The following CCDC6 variants were observed in gnomAD, a reference collection of about 807,000 sequenced individuals.
CCDC6 encodes the protein coiled-coil domain containing 6.
Under a neutral mutation model 56.6 loss-of-function variants are expected in CCDC6, and 20 were observed. The observed-to-expected ratio is 0.35, with a 90% CI of 0.25 to 0.51. The LOEUF is 0.51. Ranked by LOEUF, CCDC6 falls within the 20% of genes least tolerant of loss-of-function variation. CCDC6 has a pLI of 0.95. For missense variants in CCDC6, 367 were observed against 601.1 expected, an observed-to-expected ratio of 0.61 and a Z score of 4.07; for synonymous variants, 241 against 234.4, an observed-to-expected ratio of 1.03 and a Z score of -0.26.
At position 59,790,854 on chromosome 10, in the gene CCDC6, C is replaced by T. The variant is rs1002169755; in HGVS notation, c.*2063G>A. On this transcript the variant is annotated 3_prime_UTR_variant, in exon 9 of 9. Transcript: ENST00000263102. The stretch of plus-strand genomic sequence containing the variant: ...TTGTGCTTTCAAGAGGTAACTAAAT[C>T]GATAGGAAGCTGAGGGAAGATCATT... 4 of 209,686 alleles carry T rather than the reference C, an allele frequency of 1.9e-5. No homozygotes were observed. The highest frequency in any genetic ancestry group is 3.9e-5 in the Non-Finnish European group (4 of 103,090). The allele number at this position is 209,686 out of a possible 1,614,324, so 13.0% of individuals were successfully genotyped here. A position where few individuals can be genotyped will look rare whatever the true frequency, so the allele number is the denominator to read the frequency against.
At chr10:59,892,005 G>T (rs1486743105) in intron 1 of CCDC6, among the ~76,000 whole-genome samples, 4 of 152,156 alleles carry the variant, frequency 2.6e-5, no homozygotes, top group Non-Finnish European at 5.9e-5. Flanking sequence ...GACCACCCTG[G>T]CCCATCACCA....
At chr10:59,849,685 TG>T (rs1161178648) in intron 2 of CCDC6, among the ~76,000 whole-genome samples, 1 of 152,176 alleles carries the variant, frequency 6.6e-6, no homozygotes, top group Non-Finnish European at 1.5e-5. Flanking sequence ...ACTTTCACAG[TG>T]AACAGGTCAA....
chr10:59,901,937 C>T (rs1373598438), intron 1 of CCDC6, among the ~76,000 whole-genome samples: 2 of 101,372 alleles, frequency 2.0e-5, no homozygotes, highest in Non-Finnish European at 4.3e-5. Flanking sequence ...TGTTTATTTC[C>T]CCTACTCCAA....
At chr10:59,818,501 G>GGGGGA (rs1737008124) in intron 3 of CCDC6, among the ~76,000 whole-genome samples, 1 of 141,394 alleles carries the variant, frequency 7.1e-6, no homozygotes, top group African/African-American at 2.6e-5. Context: ...TTGACGGGGG[G>GGGGGA]GGGGGAAGCA....
chr10:59,812,378 C>T (rs538199216), intron 5 of CCDC6, among the ~76,000 whole-genome samples: 27 of 151,704 alleles, frequency 1.8e-4, no homozygotes, highest in African/African-American at 5.8e-4. Context: ...AAAAATGTTA[C>T]TTGTGATCCT....
At chr10:59,886,469 T>G (rs1333560597) in intron 1 of CCDC6, among the ~76,000 whole-genome samples, 1 of 152,182 alleles carries the variant, frequency 6.6e-6, no homozygotes, top group Non-Finnish European at 1.5e-5. Context: ...TAAAAGAATA[T>G]CTGGCATCGC....
Position 59,840,064 on chromosome 10 carries a change from TCCC to T in CCDC6, c.454-7414_454-7412del, listed in dbSNP as rs531541682. Among the ~76,000 whole-genome samples the T allele has an allele frequency of 3.3e-5, 5 of 152,160 alleles. No individual in the cohort carries two copies. In the East Asian group the frequency reaches 7.7e-4, roughly 24 times the overall value. On this transcript the variant is annotated intron_variant, in intron 2 of 8. Transcript: ENST00000263102. ...TGGTCTCAATCTCCTGACCTCGTGATCCCCCCACCTCGGCCTCCCAAAGTGCTG... is the reference window on the plus strand; with the variant it reads ...TGGTCTCAATCTCCTGACCTCGTGATCCCACCTCGGCCTCCCAAAGTGCTG...
At chr10:59,817,912 G>A (rs563059426) in intron 3 of CCDC6, among the ~76,000 whole-genome samples, 49 of 152,236 alleles carry the variant, frequency 3.2e-4, no homozygotes, top group Admixed American at 5.2e-4. Flanking sequence ...TCCGTCACAC[G>A]CATTTAGAGC....
At chr10:59,846,017 T>G (rs2070988256) in intron 2 of CCDC6, among the ~76,000 whole-genome samples, 1 of 152,170 alleles carries the variant, frequency 6.6e-6, no homozygotes, top group African/African-American at 2.4e-5. Context: ...TTCGGAAACT[T>G]GAAGGGGAGC....
intron 1 of CCDC6, among the ~76,000 whole-genome samples, chr10:59,864,560 T>C (rs1472181720): frequency 2.0e-5 from 3 of 152,056 alleles, no homozygotes; most frequent in Non-Finnish European, 2.9e-5. Flanking sequence ...CCTGCCAGAG[T>C]ATTTTCTGCC....
At chr10:59,886,073 G>A (rs1331601441) in intron 1 of CCDC6, among the ~76,000 whole-genome samples, 3 of 152,104 alleles carry the variant, frequency 2.0e-5, no homozygotes, top group Admixed American at 2.0e-4. Flanking sequence ...TGTAATATCT[G>A]TGAGATGAAC....
intron 1 of CCDC6, among the ~76,000 whole-genome samples, chr10:59,873,455 A>G (rs2071249833): frequency 6.6e-6 from 1 of 152,166 alleles, no homozygotes. Flanking sequence ...TCACAGAAGG[A>G]TCTTCCCCGG....
chr10:59,851,442 A>T (rs879788383), intron 2 of CCDC6, among the ~76,000 whole-genome samples: 5 of 152,192 alleles, frequency 3.3e-5, no homozygotes, highest in Admixed American at 3.3e-4. Flanking sequence ...ACTACCATAT[A>T]AATCAAATTT....
Position 59,792,283 on chromosome 10 carries a change from C to A in CCDC6, c.*634G>T. 1 of 337,184 alleles carries A rather than the reference C, an allele frequency of 3.0e-6. No homozygotes were observed. Among genetic ancestry groups the A allele is most frequent in the Non-Finnish European group, 5.6e-6 (1 of 180,162 alleles). The allele number at this position is 337,184 out of a possible 1,614,324, so 20.9% of individuals were successfully genotyped here. A position where few individuals can be genotyped will look rare whatever the true frequency, so the allele number is the denominator to read the frequency against. On this transcript the variant is annotated 3_prime_UTR_variant, in exon 9 of 9. Coordinates refer to ENST00000263102, the MANE Select transcript of CCDC6 (RefSeq NM_005436.5). The stretch of plus-strand genomic sequence containing the variant: ...GTGGAGAAGGTACAGCCACATGATT[C>A]ATTACTTTGGGCCATCTGTTTTACG...
intron 1 of CCDC6, among the ~76,000 whole-genome samples, chr10:59,866,069 A>AAG (rs1343016388): frequency 1.3e-5 from 2 of 152,068 alleles, no homozygotes; most frequent in African/African-American, 4.8e-5. Context: ...AACTGCTGCC[A>AAG]AGTAGAAAAA....
rs376046998 is a variant in CCDC6, at chr10:59,821,650, A to G, written c.583-6895T>C. ...AGCTCATGCAATGCTGAGAACAGAA[A>G]GAGTTGAGGGAAGTCTGCCAGTGAG... is the stretch of plus-strand genomic sequence containing the variant. On this transcript the variant is annotated intron_variant, in intron 3 of 8. Transcript: ENST00000263102. Among the ~76,000 whole-genome samples the G allele has an allele frequency of 4.6e-5, 7 of 152,332 alleles. No homozygotes were observed. The East Asian group carries it at 1.3e-3, about 29-fold the overall frequency.
At chr10:59,796,837 G>A (rs1163850834) in intron 7 of CCDC6, among the ~76,000 whole-genome samples, 1 of 152,096 alleles carries the variant, frequency 6.6e-6, no homozygotes, top group Admixed American at 6.6e-5. Context: ...TGGGCATGGT[G>A]GCGGGTGCCT....
intron 2 of CCDC6, among the ~76,000 whole-genome samples, chr10:59,848,275 T>C (rs892126840): frequency 6.6e-6 from 1 of 152,254 alleles, no homozygotes; most frequent in African/African-American, 2.4e-5. Flanking sequence ...TTTTAATGTG[T>C]AACATTTAAA....
Position 59,792,952 on chromosome 10 carries a change from A to G in CCDC6, c.1390T>C (p.Ser464Pro). 1 of 1,611,830 alleles carries G rather than the reference A, an allele frequency of 6.2e-7. No individual in the cohort carries two copies. Among genetic ancestry groups the G allele is most frequent in the Non-Finnish European group, 8.5e-7 (1 of 1,178,886 alleles). The change falls in exon 9 of 9, where the codon TCG becomes CCG. Residue 464 changes from serine to proline, a missense_variant. Physicochemically the swap from Ser to Pro is moderately conservative, Grantham distance 74. This residue lies in a region of CCDC6 where 54 missense variants were observed against 60.0 expected (regional missense o/e 0.90). Coordinates refer to ENST00000263102, the MANE Select transcript of CCDC6 (RefSeq NM_005436.5). ...GAGGAGGGGTGCGCCGAATGTTGCG[A>G]AGGAGTAGGCTGCGAGGTGGCTGCT... ...PSAATSQPTP[S>P]QHSAHPSSQP is the part of the protein sequence containing the mutation.
Sources: gnomAD v4.1 joint callset for allele counts (sites outside exome capture counted in the v4.1 genomes callset) on GRCh38, gnomAD v4.1.1 for gene constraint, gnomAD v4.1.1 regional missense constraint, MANE v1.5 for transcripts, NCBI Gene and HGNC (gene_info 2026-07-23, HGNC 2026-07-21) for gene names.